The following ATL2 variants were observed in gnomAD, a reference collection of about 807,000 sequenced individuals.
The protein encoded by ATL2 is atlastin-2.
A neutral mutation model predicts 73.9 loss-of-function variants in ATL2; 31 were observed. That is an observed-to-expected ratio of 0.42 (90% CI 0.32 to 0.57). The LOEUF (loss-of-function observed/expected upper bound fraction) is 0.57. Among genes scored for constraint, ATL2 ranks in the 20% least tolerant of loss-of-function variants. The pLI is 0.14. For synonymous variants in ATL2, 291 were observed against 237.5 expected, an observed-to-expected ratio of 1.23 and a Z score of -2.07; for missense variants, 738 against 702.6, an observed-to-expected ratio of 1.05 and a Z score of -0.57.
At position 38,310,629 on chromosome 2, in the gene ATL2, CTTTT is replaced by C. The variant is rs538258408; in HGVS notation, c.805-186_805-183del. On this transcript the variant is annotated intron_variant, in intron 7 of 12. Transcript: ENST00000378954. The stretch of plus-strand genomic sequence containing the variant: ...TTCTGACCACTTTGTTAAGACCCCA[CTTTT>C]TTTTTTTTTTTTTTTTTTTTAAAGA... 7.8e-3 allele frequency among the ~76,000 whole-genome samples: 999 copies of C among 127,264 alleles called. 11 individuals are homozygous for C. The highest frequency in any genetic ancestry group is 0.057 in the East Asian group (261 of 4,584). 83.5% of individuals were successfully genotyped at this position (127,264 alleles called of 152,430 possible).
intron 1 of ATL2, chr2:38,354,137 G>A (rs889006728): frequency 9.6e-6 from 4 of 418,112 alleles, no homozygotes; most frequent in Non-Finnish European, 1.9e-5. Flanking sequence ...AGTAAGCGAA[G>A]ATCGTGCCAC....
At chr2:38,305,352 A>G (rs1476389025) in intron 9 of ATL2, among the ~76,000 whole-genome samples, 1 of 152,224 alleles carries the variant, frequency 6.6e-6, no homozygotes. Flanking sequence ...GTTTGAGACC[A>G]GCCTGGCCAA....
At chr2:38,377,285 C>T (rs1672045272), upstream of ATL2, 1 of 1,520,574 alleles carries the variant, frequency 6.6e-7, no homozygotes, top group Non-Finnish European at 8.9e-7. Context: ...AAATTAACTC[C>T]CCACTGACGT....
intron 2 of ATL2, among the ~76,000 whole-genome samples, chr2:38,332,823 G>C (rs1014914176): frequency 6.6e-6 from 1 of 152,162 alleles, no homozygotes; most frequent in African/African-American, 2.4e-5. Context: ...GCTTCTTGAT[G>C]AAAGAATTAT....
At chr2:38,339,338 G>A (rs897425551) in intron 2 of ATL2, among the ~76,000 whole-genome samples, 1 of 152,156 alleles carries the variant, frequency 6.6e-6, no homozygotes, top group African/African-American at 2.4e-5. Context: ...GGAATAGAAA[G>A]AAGAGCACCA....
In ATL2 at chr2:38,298,347, T is replaced by C. The variant is rs114659007; in HGVS notation, c.1429A>G (p.Thr477Ala). The C allele has an allele frequency of 5.9e-5, 95 of 1,614,228 alleles. No individual in the cohort carries two copies. The African/African-American group carries it at 1.2e-3, about 21-fold the overall frequency. ...NIFYAARTPA[T>A]LFAVMFAMYI... ...ATAGCAAACATGACCGCAAACAGTG[T>C]GGCTGGGGTACGAGCAGCATAGAAG... is the stretch of plus-strand genomic sequence containing the variant. The change falls in exon 12 of 13, where the codon ACA (threonine) becomes GCA (alanine). Residue 477 changes from threonine (T) to alanine (A), a missense_variant. Physicochemically the swap from Thr to Ala is moderately conservative, Grantham distance 58. Coordinates refer to ENST00000378954, the MANE Select transcript of ATL2 (RefSeq NM_001135673.4).
At chr2:38,333,458 C>G (rs184307100) in intron 2 of ATL2, among the ~76,000 whole-genome samples, 8 of 152,004 alleles carry the variant, frequency 5.3e-5, no homozygotes, top group Admixed American at 1.3e-4. Context: ...GGCTTAACTC[C>G]CTAAATGTTC....
intron 9 of ATL2, among the ~76,000 whole-genome samples, chr2:38,304,977 G>A (rs1251616316): frequency 1.3e-5 from 2 of 152,082 alleles, no homozygotes; most frequent in East Asian, 3.9e-4. Context: ...AAGGCACAGA[G>A]TGGCTGAATG....
At chr2:38,306,758 AG>A (rs1667469843) in intron 9 of ATL2, among the ~76,000 whole-genome samples, 2 of 152,232 alleles carry the variant, frequency 1.3e-5, no homozygotes, top group South Asian at 2.1e-4. Flanking sequence ...ACATAATAAA[AG>A]CTGTATACAA....
chr2:38,296,414 G>C (rs924373914), intron 12 of ATL2: 1 of 1,544,162 alleles, frequency 6.5e-7, no homozygotes, highest in Non-Finnish European at 8.8e-7. Flanking sequence ...CGGCCCAGAC[G>C]GTCCTGCTTA....
At chr2:38,311,989 G>GA (rs1318774591) in intron 7 of ATL2, among the ~76,000 whole-genome samples, 4 of 152,080 alleles carry the variant, frequency 2.6e-5, no homozygotes, top group Non-Finnish European at 4.4e-5. Context: ...TAAGAATGTT[G>GA]AATTGGTTTT....
At chr2:38,367,153 G>A (rs1018874797) in intron 1 of ATL2, among the ~76,000 whole-genome samples, 1 of 151,836 alleles carries the variant, frequency 6.6e-6, no homozygotes, top group South Asian at 2.1e-4. Context: ...AACTTTTCAG[G>A]TAGGTTTTTT....
At chr2:38,357,915 A>G (rs1176808129) in intron 1 of ATL2, among the ~76,000 whole-genome samples, 1 of 152,176 alleles carries the variant, frequency 6.6e-6, no homozygotes, top group Non-Finnish European at 1.5e-5. Context: ...TAAGAAAAAC[A>G]TACAATTAAA....
chr2:38,375,232 T>C (rs567781139), intron 1 of ATL2, among the ~76,000 whole-genome samples: 9 of 152,178 alleles, frequency 5.9e-5, no homozygotes, highest in Non-Finnish European at 7.4e-5. Context: ...CAGTCAAAAA[T>C]AGATGAGTCC....
At chr2:38,330,204 T>A (rs1302702972) in intron 2 of ATL2, among the ~76,000 whole-genome samples, 1 of 144,436 alleles carries the variant, frequency 6.9e-6, no homozygotes. Flanking sequence ...AATCCAACAT[T>A]CATTCAGGAT....
chr2:38,336,906 G>T (rs1364109221), intron 2 of ATL2, among the ~76,000 whole-genome samples: 1 of 152,130 alleles, frequency 6.6e-6, no homozygotes, highest in Non-Finnish European at 1.5e-5. Flanking sequence ...CATCATCTAT[G>T]AAGTACTCTT....
intron 2 of ATL2, among the ~76,000 whole-genome samples, chr2:38,337,354 T>G (rs189499579): frequency 6.6e-6 from 1 of 150,530 alleles, no homozygotes; most frequent in Admixed American, 6.6e-5. Flanking sequence ...GGTGTCGTGG[T>G]GCGCACCTGT....
chr2:38,336,851 C>A (rs945092098), intron 2 of ATL2, among the ~76,000 whole-genome samples: 1 of 152,074 alleles, frequency 6.6e-6, no homozygotes. Flanking sequence ...ATTCAAAAAC[C>A]GTTACATCAC....
chr2:38,335,800 G>C (rs1380469372), intron 2 of ATL2, among the ~76,000 whole-genome samples: 1 of 152,178 alleles, frequency 6.6e-6, no homozygotes, highest in East Asian at 1.9e-4. Context: ...CCAGCACTTT[G>C]GGAGGCTGAC....
Sources: allele counts gnomAD v4.1 joint callset (sites outside exome capture counted in the v4.1 genomes callset), GRCh38; gene constraint gnomAD v4.1.1; transcripts MANE v1.5; gene names NCBI Gene and HGNC (gene_info 2026-07-23, HGNC 2026-07-21).